Variants in ATP2B2 observed in about 807,000 individuals in gnomAD.
ATP2B2 encodes ATPase plasma membrane Ca2+ transporting 2.
Under a neutral mutation model 120.0 loss-of-function variants are expected in ATP2B2, and 15 were observed. The observed-to-expected ratio is 0.12, with a 90% CI of 0.08 to 0.19. ATP2B2 has a LOEUF of 0.19. Ranked by LOEUF, ATP2B2 falls within the 10% of genes least tolerant of loss-of-function variation. The pLI, the probability that ATP2B2 is intolerant of heterozygous loss-of-function variation, is 1.00. For missense variants in ATP2B2, 1,045 were observed against 1,719.8 expected (o/e 0.61, Z 6.94); for synonymous variants, 694 against 700.3 (o/e 0.99, Z 0.14).
intron 12 of ATP2B2, among the ~76,000 whole-genome samples, chr3:10,365,141 G>C (rs1376399502): frequency 6.6e-6 from 1 of 152,228 alleles, no homozygotes; most frequent in East Asian, 1.9e-4. Flanking sequence ...CCGAAGCAGG[G>C]GGTCTGGGCC....
At chr3:10,582,435 A>C (rs933574781) in intron 2 of ATP2B2, among the ~76,000 whole-genome samples, 4 of 152,218 alleles carry the variant, frequency 2.6e-5, no homozygotes, top group Non-Finnish European at 5.9e-5. Flanking sequence ...CCATCCAGGG[A>C]TGGACTCTCG....
intron 1 of ATP2B2, among the ~76,000 whole-genome samples, chr3:10,504,360 C>A (rs909807057): frequency 6.6e-6 from 1 of 152,214 alleles, no homozygotes; most frequent in South Asian, 2.1e-4. Flanking sequence ...CTCCTCCCAG[C>A]GATTCGGAGA....
chr3:10,372,172 G>T, intron 11 of ATP2B2, 121 bp from the exon 12 acceptor site: 2 of 1,389,224 alleles, frequency 1.4e-6, no homozygotes, highest in African/African-American at 2.8e-5. Context: ...CTGCCCCTTT[G>T]CTTCCGGCAC....
chr3:10,654,482 G>GC (rs2070557705), intron 1 of ATP2B2, among the ~76,000 whole-genome samples: 1 of 152,128 alleles, frequency 6.6e-6, no homozygotes, highest in South Asian at 2.1e-4. Flanking sequence ...ACATAGACGA[G>GC]CGAAGTGGAG....
chr3:10,517,533 G>T (rs999424253), intron 3 of ATP2B2, among the ~76,000 whole-genome samples: 1 of 152,174 alleles, frequency 6.6e-6, no homozygotes, highest in African/African-American at 2.4e-5. Context: ...CTCATTTAAT[G>T]AATATCCACT....
intron 1 of ATP2B2, among the ~76,000 whole-genome samples, chr3:10,668,166 C>A (rs1340361766): frequency 1.3e-5 from 2 of 152,236 alleles, no homozygotes; most frequent in African/African-American, 2.4e-5. Flanking sequence ...CTCACAGAGG[C>A]TCACCAATGT....
At chr3:10,534,836 T>C (rs1405940477) in intron 2 of ATP2B2, among the ~76,000 whole-genome samples, 1 of 151,814 alleles carries the variant, frequency 6.6e-6, no homozygotes, top group Non-Finnish European at 1.5e-5. Flanking sequence ...CACTGGATGC[T>C]ATAGGGCTCC....
At chr3:10,703,795 A>G (rs1369746376) in intron 1 of ATP2B2, among the ~76,000 whole-genome samples, 5 of 152,216 alleles carry the variant, frequency 3.3e-5, no homozygotes, top group African/African-American at 1.2e-4. Context: ...TACTTGACAT[A>G]GTGAATGACT....
intron 2 of ATP2B2, among the ~76,000 whole-genome samples, chr3:10,574,653 G>A (rs1274274212): frequency 1.3e-5 from 2 of 152,068 alleles, no homozygotes; most frequent in South Asian, 2.1e-4. Flanking sequence ...AAAGTCACTT[G>A]TAAAACATGG....
chr3:10,690,470 ATCTATC>A (rs2125713152), intron 1 of ATP2B2, among the ~76,000 whole-genome samples: 2 of 152,226 alleles, frequency 1.3e-5, no homozygotes, highest in East Asian at 1.9e-4. Flanking sequence ...CTATCTATCT[ATCTATC>A]TATATATCTC....
chr3:10,564,855 A>C (rs997191616), intron 2 of ATP2B2, among the ~76,000 whole-genome samples: 5 of 152,146 alleles, frequency 3.3e-5, no homozygotes, highest in African/African-American at 1.2e-4. Flanking sequence ...TTGTTCTCTC[A>C]AATGCACTCT....
At position 10,410,494 on chromosome 3, in the gene ATP2B2, C is replaced by A. The variant is rs974975553; in HGVS notation, c.397+124G>T. The A allele has an allele frequency of 2.6e-5, 33 of 1,263,390 alleles. No homozygotes were observed. The African/African-American group carries it at 4.8e-4, about 18-fold the overall frequency. 78.3% of individuals were successfully genotyped at this position (1,263,390 alleles called of 1,614,324 possible). A position where few individuals can be genotyped will look rare whatever the true frequency, so the allele number is the denominator to read the frequency against. On this transcript the variant is annotated intron_variant, in intron 3 of 22. Coordinates refer to ENST00000360273, the MANE Select transcript of ATP2B2 (RefSeq NM_001001331.4). ...TGTGTTGGCTATGGGTGGGGCCCTGCCCCTTGGACCTCGGTTTCTTCCCCT... is the reference window on the plus strand; with the variant it reads ...TGTGTTGGCTATGGGTGGGGCCCTGACCCTTGGACCTCGGTTTCTTCCCCT...
At chr3:10,488,749 T>G (rs1410525182) in intron 1 of ATP2B2, among the ~76,000 whole-genome samples, 1 of 151,996 alleles carries the variant, frequency 6.6e-6, no homozygotes, top group Non-Finnish European at 1.5e-5. Context: ...CCACCTCCAG[T>G]CTCCACCCTG....
intron 1 of ATP2B2, among the ~76,000 whole-genome samples, chr3:10,480,046 T>C (rs1167768898): frequency 6.6e-6 from 1 of 152,152 alleles, no homozygotes; most frequent in Non-Finnish European, 1.5e-5. Context: ...TAGTGAGCCA[T>C]GATTGTGCCA....
intron 1 of ATP2B2, among the ~76,000 whole-genome samples, chr3:10,502,742 T>C (rs1468642221): frequency 6.6e-6 from 1 of 152,240 alleles, no homozygotes. Flanking sequence ...CCTTCACCCA[T>C]AGGAGATCCT....
At chr3:10,601,203 A>G (rs1028286738) in intron 2 of ATP2B2, among the ~76,000 whole-genome samples, 2 of 152,118 alleles carry the variant, frequency 1.3e-5, no homozygotes, top group Non-Finnish European at 2.9e-5. Flanking sequence ...AAAAAAGAAG[A>G]AGGAGTCCCC....
intron 2 of ATP2B2, among the ~76,000 whole-genome samples, chr3:10,549,103 C>T (rs1246005515): frequency 1.3e-5 from 2 of 152,194 alleles, no homozygotes. Context: ...AAACCATGTG[C>T]CAGCTGTGTG....
chr3:10,436,114 C>T (rs1260653622), intron 2 of ATP2B2, among the ~76,000 whole-genome samples: 1 of 152,206 alleles, frequency 6.6e-6, no homozygotes, highest in Non-Finnish European at 1.5e-5. Context: ...CAGTGATTTG[C>T]TGGTGCCAGC....
chr3:10,616,775 AG>A (rs1211610883), intron 2 of ATP2B2, among the ~76,000 whole-genome samples: 1 of 152,170 alleles, frequency 6.6e-6, no homozygotes, highest in East Asian at 1.9e-4. Context: ...ACATTCCACT[AG>A]GGGAAATTTA....
Sources: gnomAD v4.1 joint callset for allele counts (sites outside exome capture counted in the v4.1 genomes callset) on GRCh38, gnomAD v4.1.1 for gene constraint, MANE v1.5 for transcripts, NCBI Gene and HGNC (gene_info 2026-07-23, HGNC 2026-07-21) for gene names.